DDC: variants seen among roughly 807,000 people sequenced by gnomAD.
The protein encoded by DDC is aromatic-L-amino-acid decarboxylase.
Under a neutral mutation model 60.0 loss-of-function variants are expected in DDC, and 43 were observed. The ratio of observed to expected loss-of-function variants is 0.72; its 90% confidence interval spans 0.56 to 0.92. The LOEUF is 0.92. Among genes scored for constraint, DDC ranks in the 40% least tolerant of loss-of-function variants. DDC has a pLI of 0.00. For missense variants in DDC, 573 were observed against 620.2 expected (o/e 0.92, Z 0.81); for synonymous variants, 232 against 234.6 (o/e 0.99, Z 0.10).
chr7:50,533,161 G>A (rs545381435), intron 4 of DDC, among the ~76,000 whole-genome samples: 27 of 152,260 alleles, frequency 1.8e-4, no homozygotes, highest in African/African-American at 6.5e-4. Flanking sequence ...AAATCCATAT[G>A]CGTAGTATCA....
intron 9 of DDC, among the ~76,000 whole-genome samples, chr7:50,490,853 T>C (rs1385235057): frequency 1.3e-5 from 2 of 152,264 alleles, no homozygotes; most frequent in African/African-American, 2.4e-5. Flanking sequence ...AAGCCAATCA[T>C]AATAGAACTA....
chr7:50,473,104 G>A (rs917070397), intron 11 of DDC, among the ~76,000 whole-genome samples: 2 of 152,230 alleles, frequency 1.3e-5, no homozygotes, highest in African/African-American at 4.8e-5. Context: ...GAGGGAAAGA[G>A]GTCACTGCAT....
intron 6 of DDC, among the ~76,000 whole-genome samples, chr7:50,523,459 C>T (rs1226785874): frequency 1.3e-5 from 2 of 152,086 alleles, no homozygotes; most frequent in Non-Finnish European, 2.9e-5. Context: ...ACACAAAGAA[C>T]TCTTAAAACT....
chr7:50,484,469 A>C (rs1279538870), intron 9 of DDC, among the ~76,000 whole-genome samples: 2 of 152,048 alleles, frequency 1.3e-5, no homozygotes, highest in Admixed American at 1.3e-4. Flanking sequence ...TTTTTGTTCA[A>C]TTCTCAGTAT....
At chr7:50,462,525 G>A (rs1014900172) in intron 14 of DDC, among the ~76,000 whole-genome samples, 5 of 152,228 alleles carry the variant, frequency 3.3e-5, no homozygotes, top group South Asian at 4.1e-4. Flanking sequence ...GAATTTGGAC[G>A]GCAAGTCGTG....
At chr7:50,497,227 C>T (rs1167867678) in intron 8 of DDC, among the ~76,000 whole-genome samples, 3 of 139,718 alleles carry the variant, frequency 2.1e-5, no homozygotes, top group African/African-American at 5.3e-5. Context: ...TGGAAAGAGT[C>T]GGGAGCAATA....
intron 9 of DDC, chr7:50,493,143 G>A: frequency 1.4e-6 from 1 of 735,702 alleles, no homozygotes; most frequent in Non-Finnish European, 2.3e-6. Flanking sequence ...GGCAATGTCT[G>A]TGTCCCTCAA....
At chr7:50,551,565 T>A (rs2044995978) in intron 1 of DDC, among the ~76,000 whole-genome samples, 1 of 152,134 alleles carries the variant, frequency 6.6e-6, no homozygotes, top group Non-Finnish European at 1.5e-5. Context: ...ACTGAATAGC[T>A]TTTTCGTGTG....
At chr7:50,536,977 G>A (rs1223265564) in intron 4 of DDC, among the ~76,000 whole-genome samples, 2 of 124,856 alleles carry the variant, frequency 1.6e-5, no homozygotes, top group South Asian at 2.8e-4. Context: ...CTTGACATGA[G>A]AAAAATGATT....
In DDC at chr7:50,461,819, G is replaced by C. The variant is rs544542590; in HGVS notation, c.*18+1394C>G. On this transcript the variant is annotated intron_variant, in intron 14 of 14. Coordinates refer to ENST00000444124, the MANE Select transcript of DDC (RefSeq NM_001082971.2). ...GAGATACCACTTTGGAGTTGCTCTG[G>C]GTCAGCAGTTCTTCCTCAGACCCCA... Among the ~76,000 whole-genome samples, 3 of 152,206 alleles carry C rather than the reference G, an allele frequency of 2.0e-5. No individual in the cohort carries two copies. The East Asian group carries it at 5.8e-4, about 29-fold the overall frequency.
At chr7:50,531,293 T>C (rs986559146) in intron 4 of DDC, among the ~76,000 whole-genome samples, 2 of 152,160 alleles carry the variant, frequency 1.3e-5, no homozygotes, top group Admixed American at 6.5e-5. Context: ...ATGTACCCCA[T>C]CATTCCTGTC....
intron 8 of DDC, among the ~76,000 whole-genome samples, chr7:50,497,005 A>C (rs1233380266): frequency 6.6e-6 from 1 of 152,244 alleles, no homozygotes; most frequent in African/African-American, 2.4e-5. Context: ...TGATAAAAGG[A>C]GACAAAAGGT....
At chr7:50,538,728 T>A (rs965956129) in intron 3 of DDC, among the ~76,000 whole-genome samples, 1 of 152,244 alleles carries the variant, frequency 6.6e-6, no homozygotes, top group African/African-American at 2.4e-5. Flanking sequence ...GCAATCAGAC[T>A]GTCCCAGAAT....
chr7:50,539,454 C>T (rs2044534428), intron 3 of DDC, among the ~76,000 whole-genome samples: 1 of 152,050 alleles, frequency 6.6e-6, no homozygotes, highest in South Asian at 2.1e-4. Context: ...TTCCAGAGAC[C>T]CCCCTGCTCC....
At chr7:50,482,567 A>G (rs753833141) in intron 9 of DDC, among the ~76,000 whole-genome samples, 22 of 152,176 alleles carry the variant, frequency 1.4e-4, no homozygotes, top group Non-Finnish European at 2.2e-4. Context: ...CAACTTCCTC[A>G]CTATATTTTT....
intron 11 of DDC, among the ~76,000 whole-genome samples, chr7:50,474,839 T>TA (rs1307915020): frequency 1.3e-5 from 2 of 152,048 alleles, no homozygotes; most frequent in Admixed American, 6.5e-5. Flanking sequence ...AGAGCAAAAT[T>TA]AAAAAATAAT....
intron 6 of DDC, among the ~76,000 whole-genome samples, chr7:50,521,319 A>G (rs115891074): frequency 0.013 from 1,910 of 152,312 alleles, 37 homozygotes; most frequent in African/African-American, 0.044. Context: ...AAAACCTTCT[A>G]AAACAAAGAA....
intron 6 of DDC, among the ~76,000 whole-genome samples, chr7:50,507,758 C>A (rs2043440713): frequency 6.6e-6 from 1 of 152,132 alleles, no homozygotes; most frequent in South Asian, 2.1e-4. Flanking sequence ...TAAAACCCGG[C>A]CTTGTCCTGG....
chr7:50,542,037 G>A (rs2044649051), intron 2 of DDC, among the ~76,000 whole-genome samples: 1 of 152,142 alleles, frequency 6.6e-6, no homozygotes, highest in South Asian at 2.1e-4. Flanking sequence ...ATGAGGCTGA[G>A]AGGCCGAGAG....
Sources: allele counts gnomAD v4.1 joint callset (sites outside exome capture counted in the v4.1 genomes callset), GRCh38; gene constraint gnomAD v4.1.1; transcripts MANE v1.5; gene names NCBI Gene and HGNC (gene_info 2026-07-23, HGNC 2026-07-21).